Variants in SUMF1 observed in about 807,000 individuals in gnomAD.
SUMF1 encodes the protein formylglycine-generating enzyme.
SUMF1 carries 48 observed loss-of-function variants against 47.6 expected under a neutral mutation model. The observed-to-expected ratio is 1.01, with a 90% CI of 0.80 to 1.28. The LOEUF (loss-of-function observed/expected upper bound fraction) is 1.28. Among genes scored for constraint, SUMF1 ranks in the 50% most tolerant of loss-of-function variants. SUMF1 has a pLI of 0.00. For synonymous variants in SUMF1, 230 were observed against 192.1 expected, an observed-to-expected ratio of 1.20 and a Z score of -1.63; for missense variants, 571 against 485.4, an observed-to-expected ratio of 1.18 and a Z score of -1.66.
chr3:4,355,338 CAG>C (rs1468256122), intron 8 of SUMF1, among the ~76,000 whole-genome samples: 2 of 152,130 alleles, frequency 1.3e-5, no homozygotes, highest in Non-Finnish European at 2.9e-5. Context: ...GCCTGGATGA[CAG>C]AGGAAGATTC....
chr3:4,146,872 T>G lies in SUMF1; in HGVS notation c.1015-78127A>C, dbSNP rs189604341. Among the ~76,000 whole-genome samples, 7 of 152,270 alleles carry G rather than the reference T, an allele frequency of 4.6e-5. No individual in the cohort carries two copies. The East Asian group carries it at 1.3e-3, about 29-fold the overall frequency. Reference sequence around the variant, plus strand: ...CCCTAAAAAGGACATGAACTCATCATTTTTTATGGCTGCATAGTATTCCAT... The same window carrying G: ...CCCTAAAAAGGACATGAACTCATCAGTTTTTATGGCTGCATAGTATTCCAT... On this transcript the variant is annotated intron_variant and NMD_transcript_variant, in intron 8 of 12. Transcript: ENST00000448413.
chr3:4,263,567 T>C (rs1697130770), intron 8 of SUMF1, among the ~76,000 whole-genome samples: 1 of 152,178 alleles, frequency 6.6e-6, no homozygotes, highest in Admixed American at 6.5e-5. Context: ...GGTCCATTTC[T>C]ATTCCAGCAA....
intron 3 of SUMF1, among the ~76,000 whole-genome samples, chr3:4,423,156 A>C (rs982576151): frequency 2.0e-5 from 3 of 152,336 alleles, no homozygotes; most frequent in Middle Eastern, 3.4e-3. Context: ...ATCTACCCAG[A>C]GGAAGTCATT....
chr3:4,306,425 G>C (rs1044466607), intron 8 of SUMF1, among the ~76,000 whole-genome samples: 7 of 152,132 alleles, frequency 4.6e-5, no homozygotes, highest in African/African-American at 1.4e-4. Context: ...AGTGACAAGA[G>C]GAAGCTTTGT....
intron 9 of SUMF1, among the ~76,000 whole-genome samples, chr3:4,062,488 G>A (rs986027310): frequency 1.3e-5 from 2 of 152,174 alleles, no homozygotes; most frequent in African/African-American, 4.8e-5. Context: ...GCATCAGGAA[G>A]TGGTTGGTTC....
chr3:4,243,460 T>G (rs1169789394), intron 8 of SUMF1, among the ~76,000 whole-genome samples: 2 of 152,264 alleles, frequency 1.3e-5, no homozygotes, highest in Non-Finnish European at 2.9e-5. Flanking sequence ...TGGTATGTTG[T>G]GTCTTTGTTC....
intron 8 of SUMF1, among the ~76,000 whole-genome samples, chr3:4,351,331 T>C (rs371502629): frequency 3.9e-5 from 6 of 152,332 alleles, no homozygotes; most frequent in South Asian, 4.1e-4. Flanking sequence ...ATACCCATTT[T>C]TGAGCCCAGC....
At chr3:4,129,901 T>C (rs944645466) in intron 8 of SUMF1, among the ~76,000 whole-genome samples, 5 of 152,184 alleles carry the variant, frequency 3.3e-5, no homozygotes, top group Middle Eastern at 3.4e-3. Flanking sequence ...GAATGCATAA[T>C]TGGCACAAAC....
intron 8 of SUMF1, among the ~76,000 whole-genome samples, chr3:4,113,203 C>T (rs748820362): frequency 3.3e-5 from 5 of 152,006 alleles, no homozygotes; most frequent in Admixed American, 6.6e-5. Context: ...GTGTTGGGAA[C>T]GTTTCAAGAT....
At chr3:4,202,941 C>T (rs925112057) in intron 8 of SUMF1, among the ~76,000 whole-genome samples, 2 of 151,720 alleles carry the variant, frequency 1.3e-5, no homozygotes, top group African/African-American at 4.8e-5. Context: ...AGGAAAGATA[C>T]TTGATATTAT....
chr3:4,048,989 T>C (rs1468851943), intron 9 of SUMF1, among the ~76,000 whole-genome samples: 1 of 152,184 alleles, frequency 6.6e-6, no homozygotes, highest in Non-Finnish European at 1.5e-5. Flanking sequence ...GATTTAATTA[T>C]AGAATAAGAT....
intron 8 of SUMF1, among the ~76,000 whole-genome samples, chr3:4,342,637 A>G (rs1699295151): frequency 6.6e-6 from 1 of 152,248 alleles, no homozygotes; most frequent in Non-Finnish European, 1.5e-5. Flanking sequence ...CTTCAGTTAC[A>G]GAATTCCACA....
chr3:4,159,196 G>A (rs1239341039), intron 8 of SUMF1, among the ~76,000 whole-genome samples: 1 of 150,000 alleles, frequency 6.7e-6, no homozygotes, highest in Non-Finnish European at 1.5e-5. Context: ...TCCGTTTGCT[G>A]GTTGTTTTGC....
chr3:4,238,905 T>C (rs1437728087), intron 8 of SUMF1, among the ~76,000 whole-genome samples: 1 of 152,216 alleles, frequency 6.6e-6, no homozygotes, highest in Non-Finnish European at 1.5e-5. Context: ...TTTATGGTTT[T>C]AGGTCTTACA....
At chr3:4,271,478 G>GATAA (rs1171712296) in intron 8 of SUMF1, among the ~76,000 whole-genome samples, 21 of 133,192 alleles carry the variant, frequency 1.6e-4, no homozygotes, top group African/African-American at 6.5e-4. Context: ...TAGATAGATA[G>GATAA]ATAGATAGAT....
At chr3:4,332,087 T>C (rs1009729728) in intron 8 of SUMF1, among the ~76,000 whole-genome samples, 1 of 152,122 alleles carries the variant, frequency 6.6e-6, no homozygotes. Flanking sequence ...GTTTCTATTT[T>C]TGTGATAACA....
At chr3:4,158,971 C>T (rs1445534995) in intron 8 of SUMF1, among the ~76,000 whole-genome samples, 2 of 151,588 alleles carry the variant, frequency 1.3e-5, no homozygotes, top group Non-Finnish European at 2.9e-5. Context: ...ATTTAGTCTA[C>T]TTACATTCAA....
intron 8 of SUMF1, among the ~76,000 whole-genome samples, chr3:4,171,756 G>A (rs1043663634): frequency 6.6e-6 from 1 of 152,084 alleles, no homozygotes; most frequent in Non-Finnish European, 1.5e-5. Context: ...GTTGTAGGCT[G>A]GGAAGCACAT....
intron 8 of SUMF1, among the ~76,000 whole-genome samples, chr3:4,213,109 A>T (rs1315753706): frequency 6.6e-6 from 1 of 152,134 alleles, no homozygotes; most frequent in Non-Finnish European, 1.5e-5. Flanking sequence ...ACGCATAATC[A>T]TCAGATTCAC....
Sources: gnomAD v4.1 joint callset for allele counts (sites outside exome capture counted in the v4.1 genomes callset) on GRCh38, gnomAD v4.1.1 for gene constraint, MANE v1.5 for transcripts, NCBI Gene and HGNC (gene_info 2026-07-23, HGNC 2026-07-21) for gene names.